Variants in SHLD2 observed in about 807,000 individuals in gnomAD.
SHLD2 encodes RINN1-REV7-interacting novel NHEJ regulator 2.
Under a neutral mutation model 73.2 loss-of-function variants are expected in SHLD2, and 30 were observed. The ratio of observed to expected loss-of-function variants is 0.41; its 90% CI spans 0.31 to 0.56. The LOEUF (loss-of-function observed/expected upper bound fraction) is 0.56. Ranked by LOEUF, SHLD2 falls within the 20% of genes least tolerant of loss-of-function variation. SHLD2 has a pLI of 0.28. For missense variants in SHLD2, 745 were observed against 1,055.9 expected, an observed-to-expected ratio of 0.71 and a Z score of 4.08; for synonymous variants, 285 against 370.1, an observed-to-expected ratio of 0.77 and a Z score of 2.64.
In SHLD2 at chr10:87,184,535, T is replaced by G. The variant is rs185772709; in HGVS notation, c.2400-2550T>G. 5.7e-3 allele frequency among the ~76,000 whole-genome samples: 871 copies of G among 152,184 alleles called. 6 individuals carry two copies. Among genetic ancestry groups the G allele is most frequent in the African/African-American group, 0.019 (775 of 41,552 alleles). On this transcript the variant is annotated intron_variant, in intron 8 of 9. Transcript: ENST00000298786. The stretch of plus-strand genomic sequence containing the variant: ...AACCAGCACACCAGCAGTCTCTTGG[T>G]GGGGCTCCTCCTGGCCTTGCCTCCT...
In SHLD2 at chr10:87,159,004, A is replaced by G. The variant is rs866656259; in HGVS notation, c.1633+849A>G. ...AAGATGTTGAACCTGCACATAATGTAGTAGTAACATAGTAATATTAGAGGG... is the reference window on the plus strand; with the variant it reads ...AAGATGTTGAACCTGCACATAATGTGGTAGTAACATAGTAATATTAGAGGG... On this transcript the variant is annotated intron_variant, in intron 4 of 9. Transcript: ENST00000298786. Among the ~76,000 whole-genome samples, 1,167 of 152,272 alleles carry G rather than the reference A, an allele frequency of 7.7e-3. 17 individuals are homozygous for G. Among genetic ancestry groups the G allele is most frequent in the African/African-American group, 0.027 (1,122 of 41,552 alleles).
intron 2 of SHLD2, among the ~76,000 whole-genome samples, chr10:87,149,541 G>A (rs1845865495): frequency 6.6e-6 from 1 of 151,762 alleles, no homozygotes; most frequent in African/African-American, 2.4e-5. Context: ...TGGCCAACAT[G>A]GTGACACCCC....
At chr10:87,094,641 C>G (rs140734189), upstream of SHLD2, 44 of 1,605,740 alleles carry the variant, frequency 2.7e-5, no homozygotes, top group Non-Finnish European at 3.4e-5. The surrounding 1 kb of genome is among the most constrained non-coding windows in gnomAD (Gnocchi z 6.6). Context: ...ATGCCAGCCC[C>G]GGCTGCGGGG....
intron 2 of SHLD2, among the ~76,000 whole-genome samples, chr10:87,099,079 T>C (rs1396505734): frequency 6.6e-6 from 1 of 152,220 alleles, no homozygotes; most frequent in Non-Finnish European, 1.5e-5. Flanking sequence ...CCTCACACAA[T>C]AAAGTTTAAT....
rs1347119841 is a variant in SHLD2 at position 87,152,975 on chromosome 10, C to T, written c.1525+96C>T. The T allele has an allele frequency of 3.3e-6, 4 of 1,202,476 alleles. No homozygotes were observed. The African/African-American group carries it at 4.6e-5, about 14-fold the overall frequency. 74.5% of individuals were successfully genotyped at this position (1,202,476 alleles called of 1,614,324 possible). On this transcript the variant is annotated intron_variant, in intron 3 of 9. Transcript: ENST00000298786. Reference sequence around the variant, plus strand: ...ACTTAGTCTTTGAAGACTCTTTAGTCATTTGCCTCTTCTGAGCGCAGCATA... The same window carrying T: ...ACTTAGTCTTTGAAGACTCTTTAGTTATTTGCCTCTTCTGAGCGCAGCATA...
upstream of SHLD2, among the ~76,000 whole-genome samples, chr10:87,095,020 G>A (rs1841706275): frequency 6.9e-6 from 1 of 145,588 alleles, no homozygotes; most frequent in Non-Finnish European, 1.5e-5. Context: ...GCGGCAGCGC[G>A]CGCCGGCGGG....
At chr10:87,109,032 C>T (rs1842771430) in intron 2 of SHLD2, among the ~76,000 whole-genome samples, 1 of 152,172 alleles carries the variant, frequency 6.6e-6, no homozygotes, top group Non-Finnish European at 1.5e-5. Context: ...GCTGGGTCCT[C>T]CTTAATCCCA....
chr10:87,155,913 TC>T (rs971979003), intron 3 of SHLD2, among the ~76,000 whole-genome samples: 15 of 152,138 alleles, frequency 9.9e-5, no homozygotes, highest in African/African-American at 3.6e-4. Context: ...TTCACTTATT[TC>T]TGAATAAGTT....
At chr10:87,116,406 G>A (rs1843257905) in intron 2 of SHLD2, among the ~76,000 whole-genome samples, 1 of 150,972 alleles carries the variant, frequency 6.6e-6, no homozygotes, top group African/African-American at 2.4e-5. Flanking sequence ...GTGAATGATT[G>A]TACATTGTCT....
In SHLD2 at chr10:87,187,166, C is replaced by T; in HGVS notation, c.2481C>T (p.Leu827=). The T allele has an allele frequency of 6.2e-7, 1 of 1,612,398 alleles. No individual in the cohort carries two copies. Among genetic ancestry groups the T allele is most frequent in the Non-Finnish European group, 8.5e-7 (1 of 1,178,542 alleles). Residue 827 remains leucine, a synonymous_variant, in exon 9 of 10, where the codon CTC becomes CTT. Transcript: ENST00000298786. Reference sequence around the variant, plus strand: ...CAAAGCTGATAGAGAAGATTCTTCTCAACATTTCTGCAGACTGCCTCAACA... The same window carrying T: ...CAAAGCTGATAGAGAAGATTCTTCTTAACATTTCTGCAGACTGCCTCAACA... ...VESKLIEKIL[L]NISADCLNRV...
chr10:87,184,894 G>T (rs1848521829), intron 8 of SHLD2, among the ~76,000 whole-genome samples: 1 of 152,074 alleles, frequency 6.6e-6, no homozygotes, highest in African/African-American at 2.4e-5. Context: ...GTTGCATACT[G>T]TCTTTTCTAG....
chr10:87,127,542 C>T (rs1355488884), intron 2 of SHLD2, among the ~76,000 whole-genome samples: 1 of 81,476 alleles, frequency 1.2e-5, no homozygotes, highest in Non-Finnish European at 2.6e-5. Context: ...CCCCCCCACC[C>T]CGTCTGCCAC....
intron 2 of SHLD2, among the ~76,000 whole-genome samples, chr10:87,114,649 C>T (rs1187863911): frequency 3.3e-5 from 5 of 152,152 alleles, no homozygotes; most frequent in African/African-American, 7.2e-5. Context: ...CACTTGAACT[C>T]GGGAGGTGGA....
intron 3 of SHLD2, among the ~76,000 whole-genome samples, chr10:87,155,918 A>G (rs1403830870): frequency 6.6e-6 from 1 of 152,070 alleles, no homozygotes; most frequent in Non-Finnish European, 1.5e-5. Context: ...TTATTTCTGA[A>G]TAAGTTTCTT....
intron 8 of SHLD2, among the ~76,000 whole-genome samples, chr10:87,180,626 T>C (rs540306916): frequency 8.6e-4 from 131 of 152,330 alleles, no homozygotes; most frequent in Non-Finnish European, 1.6e-3. Flanking sequence ...CACCTTAACA[T>C]AGAATTTAAG....
chr10:87,101,490 G>C (rs971849568), intron 2 of SHLD2, among the ~76,000 whole-genome samples: 1 of 152,090 alleles, frequency 6.6e-6, no homozygotes, highest in Admixed American at 6.6e-5. Context: ...TGAACTCCTG[G>C]GCTTAAGACA....
intron 2 of SHLD2, among the ~76,000 whole-genome samples, chr10:87,130,397 T>C (rs867352944): frequency 9.4e-5 from 14 of 148,272 alleles, no homozygotes; most frequent in African/African-American, 2.2e-4. Context: ...ATATGTGTTT[T>C]CTTAAGGCTT....
intron 4 of SHLD2, among the ~76,000 whole-genome samples, chr10:87,159,685 TAG>T (rs1846670822): frequency 6.6e-6 from 1 of 152,082 alleles, no homozygotes; most frequent in African/African-American, 2.4e-5. Flanking sequence ...TATTTGTAAA[TAG>T]AGTTAATAGG....
At chr10:87,115,619 G>A (rs1310544315) in intron 2 of SHLD2, 4 of 152,202 alleles carry the variant, frequency 2.6e-5, no homozygotes, top group East Asian at 1.9e-4. Flanking sequence ...GGGTTAAAAC[G>A]TGAATTGGAT....
Sources: allele counts gnomAD v4.1 joint callset (sites outside exome capture counted in the v4.1 genomes callset), GRCh38; gene constraint gnomAD v4.1.1; non-coding constraint Gnocchi (gnomAD v3.1); transcripts MANE v1.5; gene names NCBI Gene and HGNC (gene_info 2026-07-23, HGNC 2026-07-21).